DOCK8: variants seen among roughly 807,000 people sequenced by gnomAD.
DOCK8 encodes dedicator of cytokinesis protein 8.
DOCK8 carries 141 observed loss-of-function variants against 245.6 expected under a neutral mutation model. The observed-to-expected ratio is 0.57, with a 90% confidence interval of 0.50 to 0.66. DOCK8 has a LOEUF of 0.66. Ranked by LOEUF, DOCK8 falls within the 30% of genes least tolerant of loss-of-function variation. DOCK8 has a pLI of 0.00. For synonymous variants in DOCK8, 1,168 were observed against 970.2 expected (o/e 1.20, Z -3.79); for missense variants, 2,965 against 2,603.4 (o/e 1.14, Z -3.02).
intron 11 of DOCK8, among the ~76,000 whole-genome samples, chr9:335,234 G>A (rs773917724): frequency 6.6e-5 from 10 of 151,588 alleles, no homozygotes; most frequent in Admixed American, 4.0e-4. Context: ...CATCTCACCC[G>A]TGATCTGAAT....
chr9:249,773 A>G (rs1234236422), intron 1 of DOCK8, among the ~76,000 whole-genome samples: 1 of 141,856 alleles, frequency 7.0e-6, no homozygotes, highest in African/African-American at 2.6e-5. Flanking sequence ...GCCCACCACC[A>G]TGCCTGGCTA....
Position 376,219 on chromosome 9 carries a change from T to C in DOCK8, c.2119T>C (p.Leu707=). Residue 707 remains leucine, a synonymous_variant, in exon 19 of 48, where the codon TTA becomes CTA. Coordinates refer to ENST00000432829, the MANE Select transcript of DOCK8 (RefSeq NM_203447.4). ...YSMHSAEKVP[L]QNPPIKWAEG... ...TTTCTCTTTAACACAGAAAGTCCCA[T>C]TACAGAATCCTCCCATTAAGTGGGC... 1.2e-6 allele frequency: 2 copies of C among 1,609,652 alleles called. No homozygotes were observed. The highest frequency in any genetic ancestry group is 1.7e-6 in the Non-Finnish European group (2 of 1,176,098).
intron 46 of DOCK8, chr9:456,793 A>G (rs1191546197): frequency 6.6e-6 from 1 of 152,096 alleles, no homozygotes; most frequent in African/African-American, 2.4e-5. Context: ...GCTCCCCCAA[A>G]CACCCCGACC....
At chr9:396,062 A>T (rs1435577492) in intron 24 of DOCK8, among the ~76,000 whole-genome samples, 1 of 152,232 alleles carries the variant, frequency 6.6e-6, no homozygotes, top group South Asian at 2.1e-4. Context: ...GTATATAGAT[A>T]TTTTTGTGTC....
At chr9:330,254 G>C (rs2050948887) in intron 9 of DOCK8, among the ~76,000 whole-genome samples, 1 of 152,078 alleles carries the variant, frequency 6.6e-6, no homozygotes, top group Non-Finnish European at 1.5e-5. Flanking sequence ...GTGAAAATGG[G>C]ATTGAATTGG....
rs561392082 is a variant in DOCK8 at position 385,768 on chromosome 9, G to A, written c.2779-563G>A. Among the ~76,000 whole-genome samples the A allele has an allele frequency of 1.2e-3, 185 of 152,250 alleles. 1 individual carries two copies. Among genetic ancestry groups the A allele is most frequent in the African/African-American group, 4.1e-3 (172 of 41,544 alleles). On this transcript the variant is annotated intron_variant, in intron 22 of 47. Coordinates refer to ENST00000432829, the MANE Select transcript of DOCK8 (RefSeq NM_203447.4). ...GTAATACCACTTTCTGATCACCCAGGAAAGAAGTGGTCTGCAGCTATTACT... is the reference window on the plus strand; with the variant it reads ...GTAATACCACTTTCTGATCACCCAGAAAAGAAGTGGTCTGCAGCTATTACT...
chr9:357,233 G>A (rs896006795), intron 14 of DOCK8, among the ~76,000 whole-genome samples: 5 of 152,204 alleles, frequency 3.3e-5, no homozygotes, highest in African/African-American at 1.2e-4. Flanking sequence ...GGAGATTAAT[G>A]TAATAGAAAA....
rs2049090938 is a variant in DOCK8, at chr9:292,527, A to G, written c.404+2946A>G. Among the ~76,000 whole-genome samples, 3 of 149,660 alleles carry G rather than the reference A, an allele frequency of 2.0e-5. No individual in the cohort carries two copies. The South Asian group carries it at 6.3e-4, about 32-fold the overall frequency. ...TTTTTTTTCATTTTCTTTTACTATTAGATTAGGCATCTTTCTTCTATATAT... is the reference window on the plus strand; with the variant it reads ...TTTTTTTTCATTTTCTTTTACTATTGGATTAGGCATCTTTCTTCTATATAT... On this transcript the variant is annotated intron_variant, in intron 4 of 47. Transcript: ENST00000432829.
In DOCK8 at chr9:426,509, A is replaced by C. The variant is rs943366393; in HGVS notation, c.4242-376A>C. 3.9e-5 allele frequency among the ~76,000 whole-genome samples: 6 copies of C among 152,278 alleles called. 1 individual carries two copies. In the South Asian group the frequency reaches 1.0e-3, roughly 26 times the overall value. ...GTTGCAGGGGCTTCCCCTTACTCAG[A>C]TCTAGCAATGGTTTTCATGCGTGAA... is the stretch of plus-strand genomic sequence containing the variant. On this transcript the variant is annotated intron_variant, in intron 33 of 47. Transcript: ENST00000432829.
intron 33 of DOCK8, among the ~76,000 whole-genome samples, chr9:426,294 G>A (rs1430649335): frequency 6.6e-6 from 1 of 152,138 alleles, no homozygotes; most frequent in Admixed American, 6.6e-5. Context: ...CTGCCCTACA[G>A]GAATACAGTC....
intron 32 of DOCK8, 106 bp from the exon 33 acceptor site, chr9:421,942 C>G: frequency 3.9e-6 from 4 of 1,016,426 alleles, no homozygotes; most frequent in Admixed American, 1.9e-5. Flanking sequence ...CTAATTAGCC[C>G]GAGAAATGGT....
rs10124592 is a variant in DOCK8, at chr9:449,770, C to T, written c.5818-14C>T. The T allele has an allele frequency of 5.6e-3, 9,030 of 1,612,384 alleles. 369 individuals are homozygous for T. The African/African-American group carries it at 0.094, about 17-fold the overall frequency. On this transcript the variant is annotated splice_polypyrimidine_tract_variant and intron_variant, in intron 44 of 47. Coordinates refer to ENST00000432829, the MANE Select transcript of DOCK8 (RefSeq NM_203447.4). ...CCAGACAGTGACTTCCCTATGTTTA[C>T]GTCTCATGTTCAGTTTGTTTTGACA... is the stretch of plus-strand genomic sequence containing the variant.
chr9:446,988 T>C (rs1044501444), intron 44 of DOCK8, among the ~76,000 whole-genome samples: 9 of 152,130 alleles, frequency 5.9e-5, no homozygotes, highest in Admixed American at 2.0e-4. Context: ...ATAGTCGTGC[T>C]GTTAATTATT....
At chr9:384,645 C>T (rs961252484) in intron 22 of DOCK8, among the ~76,000 whole-genome samples, 12 of 152,196 alleles carry the variant, frequency 7.9e-5, no homozygotes, top group South Asian at 2.1e-4. Context: ...GGCCGGGCAC[C>T]GTGGCTCATG....
At chr9:216,105 T>G (rs958962523) in intron 1 of DOCK8, among the ~76,000 whole-genome samples, 2 of 152,214 alleles carry the variant, frequency 1.3e-5, no homozygotes, top group African/African-American at 4.8e-5. Flanking sequence ...TTATTGACGA[T>G]TTTATTTCCA....
chr9:420,849 A>T (rs1452980416), intron 31 of DOCK8, 100 bp from the exon 32 acceptor site: 3 of 1,526,550 alleles, frequency 2.0e-6, no homozygotes, highest in Non-Finnish European at 1.8e-6. Context: ...GCACATGTCA[A>T]ACTTAGCTGG....
At chr9:288,678 A>G (rs2048922380) in intron 3 of DOCK8, among the ~76,000 whole-genome samples, 1 of 152,198 alleles carries the variant, frequency 6.6e-6, no homozygotes, top group African/African-American at 2.4e-5. Flanking sequence ...TAACAGCTTT[A>G]AGGAGAGGAA....
At chr9:274,939 A>G (rs1278393220) in intron 2 of DOCK8, among the ~76,000 whole-genome samples, 1 of 152,240 alleles carries the variant, frequency 6.6e-6, no homozygotes, top group Non-Finnish European at 1.5e-5. Context: ...TTAATTTTAA[A>G]AAGCATTTAA....
intron 14 of DOCK8, among the ~76,000 whole-genome samples, chr9:356,658 AT>A (rs2052464343): frequency 6.6e-6 from 1 of 152,050 alleles, no homozygotes; most frequent in African/African-American, 2.4e-5. Flanking sequence ...TGATTACCCT[AT>A]CCTCTTTTTA....
Sources: gnomAD v4.1 joint callset for allele counts (sites outside exome capture counted in the v4.1 genomes callset) on GRCh38, gnomAD v4.1.1 for gene constraint, MANE v1.5 for transcripts, NCBI Gene and HGNC (gene_info 2026-07-23, HGNC 2026-07-21) for gene names.